MYO19: variants seen among roughly 807,000 people sequenced by gnomAD.
MYO19 encodes the protein unconventional myosin-XIX.
MYO19 carries 132 observed loss-of-function variants against 129.2 expected under a neutral mutation model. That is an observed-to-expected ratio of 1.02 (90% confidence interval 0.89 to 1.18). The LOEUF is 1.18. Among genes scored for constraint, MYO19 ranks in the 50% most tolerant of loss-of-function variants. The pLI, the probability that MYO19 is intolerant of heterozygous loss-of-function variation, is 0.00. For synonymous variants in MYO19, 531 were observed against 477.2 expected (o/e 1.11, Z -1.47); for missense variants, 1,210 against 1,216.7 (o/e 0.99, Z 0.08).
intron 6 of MYO19, among the ~76,000 whole-genome samples, chr17:36,519,810 T>C (rs1391443297): frequency 6.6e-6 from 1 of 152,164 alleles, no homozygotes; most frequent in Non-Finnish European, 1.5e-5. Flanking sequence ...AAAGTCTTTA[T>C]TTCACTTTCA....
chr17:36,536,524 C>CTTTTTTT (rs10715370), upstream of MYO19, among the ~76,000 whole-genome samples: 2 of 125,532 alleles, frequency 1.6e-5, no homozygotes, highest in Non-Finnish European at 3.3e-5. Flanking sequence ...TTTTCTTTTC[C>CTTTTTTT]TTTTTTTTTT....
chr17:36,537,508 C>G (rs762208126), upstream of MYO19: 3 of 1,614,114 alleles, frequency 1.9e-6, no homozygotes, highest in East Asian at 4.5e-5. Context: ...CGTGTAATTA[C>G]CAGTGCGTTT....
At chr17:36,504,167 G>A (rs1263164568) in intron 19 of MYO19, 147 bp from the exon 20 acceptor site, 2 of 557,462 alleles carry the variant, frequency 3.6e-6, no homozygotes, top group Non-Finnish European at 6.1e-6. Flanking sequence ...ATCTCCTTGG[G>A]GCTGTGAGAA....
intron 8 of MYO19, among the ~76,000 whole-genome samples, 153 bp downstream of exon 8, chr17:36,514,960 A>G (rs578248362): frequency 6.6e-6 from 1 of 152,122 alleles, no homozygotes; most frequent in Non-Finnish European, 1.5e-5. Flanking sequence ...AGGTGCAAAG[A>G]TCACCCTCAG....
intron 9 of MYO19, 40 bp downstream of exon 9, chr17:36,514,406 G>C (rs2072592972): frequency 7.5e-7 from 1 of 1,334,216 alleles, no homozygotes; most frequent in Non-Finnish European, 1.1e-6. Flanking sequence ...ACCCATCCCT[G>C]TCTCGCATCT....
At chr17:36,511,801 C>A (rs1054150672) in intron 11 of MYO19, among the ~76,000 whole-genome samples, 5 of 152,150 alleles carry the variant, frequency 3.3e-5, no homozygotes, top group African/African-American at 7.2e-5. Context: ...TACATTTCTG[C>A]CCCCTGCTCT....
At chr17:36,513,339 A>C (rs1567757757) in intron 11 of MYO19, 90 bp downstream of exon 11, 1 of 1,609,530 alleles carries the variant, frequency 6.2e-7, no homozygotes. Flanking sequence ...ATCCTCAGGG[A>C]AAGACCAACT....
intron 21 of MYO19, 37 bp from the exon 22 acceptor site, chr17:36,501,272 T>C (rs769970810): frequency 1.3e-6 from 2 of 1,583,634 alleles, no homozygotes; most frequent in South Asian, 2.3e-5. Flanking sequence ...TGCATGGTCA[T>C]CTCTACATGC....
At chr17:36,504,964 C>T (rs2071778683) in intron 19 of MYO19, 1 of 413,550 alleles carries the variant, frequency 2.4e-6, no homozygotes, top group East Asian at 5.1e-5. Flanking sequence ...GAAATGGCTG[C>T]ACTGTGCGGG....
intron 25 of MYO19, chr17:36,497,643 G>C: frequency 1.5e-6 from 1 of 688,778 alleles, no homozygotes; most frequent in Non-Finnish European, 1.8e-6. Context: ...GGAGTGCAGC[G>C]GCGCAATCTC....
chr17:36,499,660 G>GCTT (rs2071340816), intron 23 of MYO19: 1 of 54,476 alleles, frequency 1.8e-5, no homozygotes, highest in East Asian at 5.9e-4. Flanking sequence ...TTTTCTTTTT[G>GCTT]TTTCTTTTTT....
chr17:36,529,796 A>G (rs2073718074), intron 3 of MYO19, among the ~76,000 whole-genome samples: 1 of 152,200 alleles, frequency 6.6e-6, no homozygotes, highest in African/African-American at 2.4e-5. Context: ...GCATCTGAGT[A>G]TAGTGATCAA....
intron 2 of MYO19, chr17:36,533,395 G>C (rs935448706): frequency 6.6e-6 from 1 of 152,244 alleles, no homozygotes; most frequent in African/African-American, 2.4e-5. Flanking sequence ...CTGGGAGGTG[G>C]GGTGTTGTGA....
At chr17:36,519,515 C>G (rs927466464) in intron 6 of MYO19, among the ~76,000 whole-genome samples, 3 of 151,856 alleles carry the variant, frequency 2.0e-5, no homozygotes, top group African/African-American at 7.3e-5. Context: ...TTTAAATTGT[C>G]CCATGTGATC....
At chr17:36,529,771 G>C (rs558017202) in intron 3 of MYO19, among the ~76,000 whole-genome samples, 3 of 152,278 alleles carry the variant, frequency 2.0e-5, no homozygotes, top group African/African-American at 7.2e-5. Flanking sequence ...GAAGAGTTCT[G>C]ATCCAACCAG....
intron 23 of MYO19, chr17:36,500,600 C>G (rs998604078): frequency 1.7e-6 from 1 of 584,934 alleles, no homozygotes; most frequent in Non-Finnish European, 2.9e-6. Context: ...AACGCTTAGC[C>G]TCCACTTCTT....
upstream of MYO19, among the ~76,000 whole-genome samples, chr17:36,544,453 C>G (rs1290179086): frequency 1.3e-5 from 2 of 152,202 alleles, no homozygotes; most frequent in East Asian, 3.9e-4. Context: ...GCTCGTCTCC[C>G]TTTTCTCACT....
chr17:36,518,536 A>ATATATATGTG (rs1301725571), intron 6 of MYO19, among the ~76,000 whole-genome samples: 1 of 97,254 alleles, frequency 1.0e-5, no homozygotes, highest in African/African-American at 4.1e-5. Flanking sequence ...AAATATATAT[A>ATATATATGTG]TATATATATA....
intron 17 of MYO19, 49 bp from the exon 18 acceptor site, chr17:36,506,657 T>C (rs2141964600): frequency 6.6e-7 from 1 of 1,504,990 alleles, no homozygotes; most frequent in South Asian, 1.4e-5. Context: ...GAGCTTCTGC[T>C]CAGGGCCATC....
Sources: gnomAD v4.1 joint callset for allele counts (sites outside exome capture counted in the v4.1 genomes callset) on GRCh38, gnomAD v4.1.1 for gene constraint, MANE v1.5 for transcripts, NCBI Gene and HGNC (gene_info 2026-07-23, HGNC 2026-07-21) for gene names.